The following AFF3 variants were observed in gnomAD, a reference collection of about 807,000 sequenced individuals.
The protein encoded by AFF3 is AF4/FMR2 family member 3.
In AFF3, 32 loss-of-function variants were observed where a neutral mutation model predicts 129.7. The observed-to-expected ratio is 0.25, with a 90% confidence interval of 0.19 to 0.33. The LOEUF (loss-of-function observed/expected upper bound fraction) is 0.33, where lower values mean the gene tolerates loss of function less well. AFF3 is among the 10% of genes least tolerant of loss of function. The probability of loss-of-function intolerance (pLI) is 1.00; values close to 1 mark genes in which losing one functional copy is unlikely to be tolerated. For missense variants in AFF3, 1,373 were observed against 1,592.0 expected (o/e 0.86, Z 2.34); for synonymous variants, 644 against 635.4 (o/e 1.01, Z -0.20).
At chr2:99,860,047 C>A (rs912894326) in intron 7 of AFF3, among the ~76,000 whole-genome samples, 3 of 152,156 alleles carry the variant, frequency 2.0e-5, no homozygotes, top group Non-Finnish European at 4.4e-5. Flanking sequence ...CATATAGAAA[C>A]CACACTCTCC....
chr2:99,568,524 C>T (rs1676186986), intron 19 of AFF3, among the ~76,000 whole-genome samples: 1 of 151,850 alleles, frequency 6.6e-6, no homozygotes, highest in African/African-American at 2.4e-5. Flanking sequence ...GTCAGGCTAA[C>T]AAGAGAAAAA....
intron 7 of AFF3, among the ~76,000 whole-genome samples, chr2:99,891,130 C>T (rs544156868): frequency 4.6e-5 from 7 of 152,064 alleles, no homozygotes; most frequent in East Asian, 1.9e-4. Context: ...TGGGAGGGAA[C>T]GGACAAGGAT....
intron 7 of AFF3, among the ~76,000 whole-genome samples, chr2:99,840,325 T>C (rs1689223838): frequency 6.6e-6 from 1 of 152,220 alleles, no homozygotes; most frequent in South Asian, 2.1e-4. Context: ...TGTATAGGTC[T>C]TTGATACAAT....
At chr2:99,788,084 C>T (rs917005235) in intron 8 of AFF3, among the ~76,000 whole-genome samples, 1 of 152,014 alleles carries the variant, frequency 6.6e-6, no homozygotes, top group Non-Finnish European at 1.5e-5. Context: ...CGTAAATAAA[C>T]CTAATGCGAT....
chr2:99,998,426 T>C (rs975652101), intron 7 of AFF3, among the ~76,000 whole-genome samples: 1 of 151,140 alleles, frequency 6.6e-6, no homozygotes, highest in South Asian at 2.1e-4. Flanking sequence ...ACAGAGAGCA[T>C]AGAGCATCCC....
intron 13 of AFF3, among the ~76,000 whole-genome samples, chr2:99,604,520 G>C (rs10170260): frequency 6.6e-6 from 1 of 151,820 alleles, no homozygotes; most frequent in Non-Finnish European, 1.5e-5. Context: ...ATAACTAATG[G>C]GTACAGGCTT....
chr2:99,578,221 C>T (rs913114362), intron 18 of AFF3, 106 bp downstream of exon 18: 7 of 1,431,152 alleles, frequency 4.9e-6, no homozygotes, highest in Admixed American at 2.8e-5. Flanking sequence ...AAAAAAAGGC[C>T]GCACTGTAGC....
At chr2:100,086,117 TACA>T (rs1295947576) in intron 4 of AFF3, among the ~76,000 whole-genome samples, 1 of 150,972 alleles carries the variant, frequency 6.6e-6, no homozygotes, top group Non-Finnish European at 1.5e-5. Flanking sequence ...TATACCAAAA[TACA>T]ACAAGTTCTG....
intron 4 of AFF3, among the ~76,000 whole-genome samples, chr2:100,077,159 G>T (rs1688646490): frequency 6.6e-6 from 1 of 152,138 alleles, no homozygotes; most frequent in East Asian, 1.9e-4. Flanking sequence ...CATGGCAGGA[G>T]AATTGCTAGA....
intron 18 of AFF3, among the ~76,000 whole-genome samples, chr2:99,572,219 C>T (rs1362356775): frequency 6.6e-6 from 1 of 151,356 alleles, no homozygotes; most frequent in Non-Finnish European, 1.5e-5. Context: ...ATTATGAGAG[C>T]TCTCTCCAAC....
intron 21 of AFF3, among the ~76,000 whole-genome samples, 170 bp downstream of exon 21, chr2:99,560,195 T>C (rs1675340688): frequency 6.6e-6 from 1 of 152,274 alleles, no homozygotes; most frequent in South Asian, 2.1e-4. Context: ...ATTCAGATCA[T>C]GTATAGTACG....
Position 99,696,834 on chromosome 2 carries a change from T to C in AFF3, c.1092-24245A>G, listed in dbSNP as rs141334240. On this transcript the variant is annotated intron_variant, in intron 11 of 24. Coordinates refer to ENST00000672756, the MANE Select transcript of AFF3 (RefSeq NM_001386135.1). Reference sequence around the variant, plus strand: ...AATTTTAAAATTTTTTTTGTAGAGATGGAGTCTTGCTATGTTGCCCAGCTT... The same window carrying C: ...AATTTTAAAATTTTTTTTGTAGAGACGGAGTCTTGCTATGTTGCCCAGCTT... Among the ~76,000 whole-genome samples the C allele has an allele frequency of 4.3e-3, 662 of 152,216 alleles. 4 individuals carry two copies. The highest frequency in any genetic ancestry group is 0.015 in the African/African-American group (625 of 41,532).
chr2:99,696,585 G>T (rs1398827171), intron 11 of AFF3, among the ~76,000 whole-genome samples: 1 of 152,174 alleles, frequency 6.6e-6, no homozygotes, highest in Non-Finnish European at 1.5e-5. Context: ...GAAGCCCAGA[G>T]CATGGACTAA....
intron 7 of AFF3, among the ~76,000 whole-genome samples, chr2:99,860,818 A>C (rs778199327): frequency 6.6e-6 from 1 of 152,332 alleles, no homozygotes; most frequent in Non-Finnish European, 1.5e-5. Flanking sequence ...TATATTGTGT[A>C]AAGATGATCA....
chr2:99,649,460 G>A (rs376136476), intron 13 of AFF3, among the ~76,000 whole-genome samples, 166 bp downstream of exon 13: 160 of 152,280 alleles, frequency 1.1e-3, no homozygotes, highest in African/African-American at 3.8e-3. Context: ...GATTTTTGCA[G>A]TGATAAACTC....
intron 12 of AFF3, among the ~76,000 whole-genome samples, chr2:99,661,308 T>C (rs1055155053): frequency 3.9e-5 from 6 of 152,236 alleles, no homozygotes; most frequent in Admixed American, 6.5e-5. Context: ...ACCCCTCTCC[T>C]GGCTCCTGAA....
At chr2:99,624,463 A>G (rs1228119921) in intron 13 of AFF3, among the ~76,000 whole-genome samples, 1 of 152,220 alleles carries the variant, frequency 6.6e-6, no homozygotes, top group Non-Finnish European at 1.5e-5. Context: ...GAGAAAAGTC[A>G]GTCAATGAAT....
chr2:99,914,759 C>CAA (rs113656836), intron 7 of AFF3, among the ~76,000 whole-genome samples: 42 of 143,294 alleles, frequency 2.9e-4, no homozygotes, highest in African/African-American at 1.0e-3. Context: ...ACTAAAAATA[C>CAA]AAAAAAAAAA....
At chr2:99,575,265 T>C (rs774380489) in intron 18 of AFF3, among the ~76,000 whole-genome samples, 1 of 151,860 alleles carries the variant, frequency 6.6e-6, no homozygotes, top group Non-Finnish European at 1.5e-5. Context: ...CTATTTTTGC[T>C]TTTTTTTCTT....
Sources: allele counts gnomAD v4.1 joint callset (sites outside exome capture counted in the v4.1 genomes callset), GRCh38; gene constraint gnomAD v4.1.1; transcripts MANE v1.5; gene names NCBI Gene and HGNC (gene_info 2026-07-23, HGNC 2026-07-21).